PPP6R1: variants seen among roughly 807,000 people sequenced by gnomAD.
PPP6R1 encodes the protein serine/threonine-protein phosphatase 6 regulatory subunit 1.
PPP6R1 carries 39 observed loss-of-function variants against 104.6 expected under a neutral mutation model. That is an observed-to-expected ratio of 0.37 (90% CI 0.29 to 0.49). The LOEUF (loss-of-function observed/expected upper bound fraction) is 0.49, where lower values mean the gene tolerates loss of function less well. Ranked by LOEUF, PPP6R1 falls within the 20% of genes least tolerant of loss-of-function variation. The probability of loss-of-function intolerance (pLI) is 0.98; values close to 1 mark genes in which losing one functional copy is unlikely to be tolerated. For synonymous variants in PPP6R1, 549 were observed against 479.0 expected, an observed-to-expected ratio of 1.15 and a Z score of -1.91; for missense variants, 1,181 against 1,155.8, an observed-to-expected ratio of 1.02 and a Z score of -0.32.
intron 1 of PPP6R1, among the ~76,000 whole-genome samples, chr19:55,249,212 C>A (rs1291308360): frequency 2.0e-5 from 3 of 152,144 alleles, no homozygotes; most frequent in Non-Finnish European, 2.9e-5. Flanking sequence ...CACCCAGTGA[C>A]TCACCACTTA....
chr19:55,230,575 G>A (rs1355955638), intron 23 of PPP6R1, 38 bp downstream of exon 23: 1 of 1,613,392 alleles, frequency 6.2e-7, no homozygotes, highest in Admixed American at 1.7e-5. Flanking sequence ...AGCAGGCCCA[G>A]CCCCACCTAC....
At chr19:55,235,366 C>T (rs529506589) in intron 17 of PPP6R1, among the ~76,000 whole-genome samples, 8 of 151,948 alleles carry the variant, frequency 5.3e-5, no homozygotes, top group Admixed American at 2.6e-4. Flanking sequence ...AGAGCTAACA[C>T]GAGGAAGTGA....
intron 17 of PPP6R1, among the ~76,000 whole-genome samples, chr19:55,233,809 C>T (rs923600861): frequency 1.6e-4 from 25 of 152,212 alleles, no homozygotes; most frequent in African/African-American, 5.5e-4. Flanking sequence ...TCCATGTTCA[C>T]GTATTAGAAG....
chr19:55,258,244 G>C (rs1305642653), intron 1 of PPP6R1, among the ~76,000 whole-genome samples, 191 bp downstream of exon 1: 2 of 152,194 alleles, frequency 1.3e-5, no homozygotes, highest in African/African-American at 2.4e-5. Flanking sequence ...AAGAGATTAA[G>C]AGACTGGGGA....
At position 55,245,232 on chromosome 19, in the gene PPP6R1, C is replaced by G; in HGVS notation, c.552+33G>C. The G allele has an allele frequency of 1.2e-6, 2 of 1,601,654 alleles. No individual in the cohort carries two copies. The highest frequency in any genetic ancestry group is 1.7e-6 in the Non-Finnish European group (2 of 1,174,518). On this transcript the variant is annotated intron_variant, in intron 4 of 23. Coordinates refer to ENST00000412770, the MANE Select transcript of PPP6R1 (RefSeq NM_014931.4). This position sits in a 1 kb window ranked among gnomAD's most constrained non-coding sequence, Gnocchi z 6.4. ...ATGCATCGCTGTCCACCACGCCCAG[C>G]CCCCCACCCCCAGAGGAGCCGGCCC...
chr19:55,234,635 TCACAGCGGCCGC>T (rs1246518177), intron 17 of PPP6R1, among the ~76,000 whole-genome samples: 5 of 129,184 alleles, frequency 3.9e-5, no homozygotes, highest in African/African-American at 2.5e-4. Context: ...GCAAGGGTAT[TCACAGCGGCCGC>T]ACTCACAGCG....
chr19:55,254,168 G>A (rs1025738162), intron 1 of PPP6R1, among the ~76,000 whole-genome samples: 2 of 152,172 alleles, frequency 1.3e-5, no homozygotes, highest in Non-Finnish European at 2.9e-5. Flanking sequence ...CGGATACTAC[G>A]GCAGGCGCCA....
In PPP6R1 at chr19:55,236,652, G is replaced by A. The variant is rs2087401298; in HGVS notation, c.1979C>T (p.Pro660Leu). ...CTGGAGGGGGACTCACCGGACACCA[G>A]GTGGCTGGCCCAGACGGGCCCCCCT... The part of the protein sequence containing the change: ...LARGARLGQP[P>L]GVRSGGSTDS... The change falls in exon 17 of 24, where the codon CCT becomes CTT. Residue 660 changes from proline to leucine, a missense_variant. Physicochemically the swap from Pro to Leu is moderately conservative, Grantham distance 98. Transcript: ENST00000412770. The A allele has an allele frequency of 6.4e-7, 1 of 1,562,782 alleles. No individual in the cohort carries two copies. Among genetic ancestry groups the A allele is most frequent in the Non-Finnish European group, 8.6e-7 (1 of 1,158,994 alleles).
Position 55,239,701 on chromosome 19 carries a change from C to T in PPP6R1, c.1564-18G>A, listed in dbSNP as rs370380526. The T allele has an allele frequency of 3.6e-5, 57 of 1,602,246 alleles. No homozygotes were observed. In the African/African-American group the frequency reaches 7.1e-4, roughly 20 times the overall value. On this transcript the variant is annotated intron_variant, in intron 13 of 23. Coordinates refer to ENST00000412770, the MANE Select transcript of PPP6R1 (RefSeq NM_014931.4). ...GTGTTCACCTGGGGAGAGGAGGGGG[C>T]GTCAGGGCCTGCTGGAGCCCCCAGA...
At chr19:55,246,282 T>C (rs2087507481) in intron 2 of PPP6R1, among the ~76,000 whole-genome samples, 1 of 151,956 alleles carries the variant, frequency 6.6e-6, no homozygotes, top group Non-Finnish European at 1.5e-5. Flanking sequence ...AATACAAAAA[T>C]TAGCTGGGCG....
At chr19:55,228,356 G>A (rs1012852309), downstream of PPP6R1, 13 of 1,613,928 alleles carry the variant, frequency 8.1e-6, no homozygotes, top group African/African-American at 1.3e-5. Flanking sequence ...AACCAGGACA[G>A]CTGGTCCTCG....
intron 1 of PPP6R1, among the ~76,000 whole-genome samples, chr19:55,251,721 GCCGACC>G (rs1266044062): frequency 1.3e-5 from 2 of 152,106 alleles, no homozygotes; most frequent in Admixed American, 6.6e-5. Flanking sequence ...AATGCGACAG[GCCGACC>G]ACCAAGTGTC....
intron 1 of PPP6R1, among the ~76,000 whole-genome samples, chr19:55,252,320 C>A (rs1309674549): frequency 6.6e-6 from 1 of 151,846 alleles, no homozygotes; most frequent in African/African-American, 2.4e-5. Context: ...ACCTCCAGCT[C>A]CTGGGTTCAA....
At position 55,230,172 on chromosome 19, in the gene PPP6R1, G is replaced by C. The variant is rs1024829102; in HGVS notation, c.*356C>G. 57 of 278,586 alleles carry C rather than the reference G, an allele frequency of 2.0e-4. No individual in the cohort carries two copies. Among genetic ancestry groups the C allele is most frequent in the Non-Finnish European group, 5.5e-5 (8 of 146,398 alleles). The allele number at this position is 278,586 out of a possible 1,614,324, so 17.3% of individuals were successfully genotyped here. A position where few individuals can be genotyped will look rare whatever the true frequency, so the allele number is the denominator to read the frequency against. The stretch of plus-strand genomic sequence containing the variant: ...CCTAACACCAGCTCCCGCTGGGACG[G>C]AACAGGGAAGGCTGTGCTTTGGAGC... On this transcript the variant is annotated 3_prime_UTR_variant, in exon 24 of 24. Transcript: ENST00000412770.
chr19:55,245,199 G>A lies in PPP6R1; in HGVS notation c.553-14C>T, dbSNP rs748519830. 2.5e-6 allele frequency: 4 copies of A among 1,611,506 alleles called. No homozygotes were observed. The highest frequency in any genetic ancestry group is 2.2e-5 in the South Asian group (2 of 90,526). ...CTCGTTGAGCCACTGAGGGTGAGAAGGCGAGGGATGCATCGCTGTCCACCA... is the reference window on the plus strand; with the variant it reads ...CTCGTTGAGCCACTGAGGGTGAGAAAGCGAGGGATGCATCGCTGTCCACCA... On this transcript the variant is annotated splice_polypyrimidine_tract_variant and intron_variant, in intron 4 of 23. Transcript: ENST00000412770. The surrounding 1 kb of genome is among the most constrained non-coding windows in gnomAD (Gnocchi z 6.4).
chr19:55,234,743 A>G (rs1466146183), intron 17 of PPP6R1, among the ~76,000 whole-genome samples: 1 of 152,342 alleles, frequency 6.6e-6, no homozygotes, highest in South Asian at 2.1e-4. Context: ...CTCATCATGC[A>G]TGGCACTGCC....
chr19:55,249,506 GT>G (rs898825807), intron 1 of PPP6R1, among the ~76,000 whole-genome samples: 5 of 152,172 alleles, frequency 3.3e-5, no homozygotes, highest in Non-Finnish European at 5.9e-5. Context: ...CTCTCAAAGT[GT>G]TGGGATTACA....
At chr19:55,234,739 A>G (rs1300269190) in intron 17 of PPP6R1, among the ~76,000 whole-genome samples, 1 of 152,228 alleles carries the variant, frequency 6.6e-6, no homozygotes, top group Non-Finnish European at 1.5e-5. Context: ...GCAGCTCATC[A>G]TGCATGGCAC....
At chr19:55,234,687 C>A (rs1450596432) in intron 17 of PPP6R1, among the ~76,000 whole-genome samples, 2 of 152,024 alleles carry the variant, frequency 1.3e-5, no homozygotes, top group Admixed American at 1.3e-4. Flanking sequence ...GCAACAGGAA[C>A]CTGCCCAAAG....
Sources: gnomAD v4.1 joint callset for allele counts (sites outside exome capture counted in the v4.1 genomes callset) on GRCh38, gnomAD v4.1.1 for gene constraint, Gnocchi (gnomAD v3.1) non-coding constraint, MANE v1.5 for transcripts, NCBI Gene and HGNC (gene_info 2026-07-23, HGNC 2026-07-21) for gene names.